The following ADD3 variants were observed in gnomAD, a reference collection of about 807,000 sequenced individuals.
The protein encoded by ADD3 is gamma-adducin.
Under a neutral mutation model 80.2 loss-of-function variants are expected in ADD3, and 25 were observed. The ratio of observed to expected loss-of-function variants is 0.31; its 90% CI spans 0.23 to 0.44. ADD3 has a LOEUF of 0.44. Among genes scored for constraint, ADD3 ranks in the 20% least tolerant of loss-of-function variants. The pLI, the probability that ADD3 is intolerant of heterozygous loss-of-function variation, is 1.00. For missense variants in ADD3, 829 were observed against 847.5 expected (o/e 0.98, Z 0.27); for synonymous variants, 284 against 289.6 (o/e 0.98, Z 0.20).
At chr10:110,070,092 C>T (rs1200792875) in intron 1 of ADD3, among the ~76,000 whole-genome samples, 1 of 151,910 alleles carries the variant, frequency 6.6e-6, no homozygotes, top group Non-Finnish European at 1.5e-5. Context: ...TCCTCTTCAC[C>T]CCATACATAT....
intron 1 of ADD3, among the ~76,000 whole-genome samples, chr10:110,092,615 G>T (rs559931668): frequency 1.3e-5 from 2 of 152,174 alleles, no homozygotes; most frequent in East Asian, 3.9e-4. Flanking sequence ...TGCCTATCAG[G>T]TCCTCTGCTC....
At chr10:110,000,809 T>C (rs2133676099), upstream of ADD3, among the ~76,000 whole-genome samples, 1 of 152,322 alleles carries the variant, frequency 6.6e-6, no homozygotes, top group African/African-American at 2.4e-5. Context: ...ACAATGAAGA[T>C]AATAATACAG....
At chr10:110,114,714 C>G (rs1314477154) in intron 3 of ADD3, among the ~76,000 whole-genome samples, 1 of 152,012 alleles carries the variant, frequency 6.6e-6, no homozygotes, top group Non-Finnish European at 1.5e-5. Context: ...TAAGAAAAAC[C>G]AGGAGAGAGA....
At chr10:110,013,320 C>A (rs1242542818) in intron 1 of ADD3, among the ~76,000 whole-genome samples, 2 of 152,170 alleles carry the variant, frequency 1.3e-5, no homozygotes, top group Admixed American at 6.5e-5. Flanking sequence ...CCAGGCTGGT[C>A]TTGAACTCCT....
chr10:110,026,201 G>A (rs907546116), intron 1 of ADD3, among the ~76,000 whole-genome samples: 2 of 151,562 alleles, frequency 1.3e-5, no homozygotes, highest in African/African-American at 4.9e-5. Flanking sequence ...ATGAGAAACA[G>A]TTCCACCCCT....
In ADD3 at chr10:110,134,310, G is replaced by T. The variant is rs1853430241; in HGVS notation, c.*692G>T. On this transcript the variant is annotated 3_prime_UTR_variant, in exon 15 of 15. Transcript: ENST00000356080. ...AGGGGATTTTGTACACATAACATGGGTTATTTAGTTTAACTCTGGCAAAAA... is the reference window on the plus strand; with the variant it reads ...AGGGGATTTTGTACACATAACATGGTTTATTTAGTTTAACTCTGGCAAAAA... 1 of 144,322 alleles carries T rather than the reference G, an allele frequency of 6.9e-6. No homozygotes were observed. The highest frequency in any genetic ancestry group is 1.5e-5 in the Non-Finnish European group (1 of 66,900). The allele number at this position is 144,322 out of a possible 1,614,324, so 8.9% of individuals were successfully genotyped here. A position where few individuals can be genotyped will look rare whatever the true frequency, so the allele number is the denominator to read the frequency against.
chr10:110,105,428 T>C (rs886131360), intron 2 of ADD3, among the ~76,000 whole-genome samples: 1 of 152,176 alleles, frequency 6.6e-6, no homozygotes, highest in African/African-American at 2.4e-5. Context: ...ATACAAGAGA[T>C]GGTTACTAAA....
At chr10:110,025,728 C>T (rs1001628734) in intron 1 of ADD3, among the ~76,000 whole-genome samples, 5 of 152,126 alleles carry the variant, frequency 3.3e-5, no homozygotes, top group African/African-American at 1.2e-4. Context: ...ACTGAGATTC[C>T]TGCCTCTGTC....
intron 1 of ADD3, among the ~76,000 whole-genome samples, chr10:110,083,606 C>A (rs111653647): frequency 2.5e-4 from 38 of 152,140 alleles, no homozygotes; most frequent in African/African-American, 7.7e-4. Context: ...TCCCTCTAAA[C>A]CTAATTAATA....
At chr10:110,013,787 G>A (rs904213040) in intron 1 of ADD3, among the ~76,000 whole-genome samples, 1 of 152,236 alleles carries the variant, frequency 6.6e-6, no homozygotes, top group African/African-American at 2.4e-5. Context: ...GAGTGCTGAT[G>A]TGAGTGACTC....
At position 110,124,026 on chromosome 10, in the gene ADD3, A is replaced by G. The variant is rs779276259; in HGVS notation, c.1153A>G (p.Thr385Ala). ...CTTTTCCCTCCCTTAGGGGTATAGA[A>G]CAGGCTATGCTTACAGGCATCCTCT... The part of the protein sequence containing the change: ...MRTLDNLGYR[T>A]GYAYRHPLIR... The change falls in exon 10 of 15, where the codon ACA becomes GCA. Residue 385 changes from threonine (T) to alanine (A), a missense_variant. By Grantham distance (58) the Thr-to-Ala change is moderately conservative (BLOSUM62 0). Transcript: ENST00000356080. The G allele has an allele frequency of 8.1e-6, 13 of 1,614,024 alleles. No individual in the cohort carries two copies. The highest frequency in any genetic ancestry group is 5.0e-5 in the Admixed American group (3 of 60,004).
At chr10:110,028,744 T>G (rs1854614452) in intron 1 of ADD3, among the ~76,000 whole-genome samples, 1 of 152,180 alleles carries the variant, frequency 6.6e-6, no homozygotes, top group African/African-American at 2.4e-5. Flanking sequence ...TAGAAAGAAA[T>G]GAGTTTTGCT....
chr10:110,061,343 G>C (rs148110803), intron 1 of ADD3, among the ~76,000 whole-genome samples: 1 of 152,106 alleles, frequency 6.6e-6, no homozygotes, highest in South Asian at 2.1e-4. Context: ...CCTGGAAAAG[G>C]GTTGTCAGTC....
chr10:110,073,133 G>GTTTTATTTTTTTTTTTTTTTT (rs1443878675), intron 1 of ADD3, among the ~76,000 whole-genome samples: 1 of 106,490 alleles, frequency 9.4e-6, no homozygotes, highest in African/African-American at 4.4e-5. Flanking sequence ...TTGAGTTTTA[G>GTTTTATTTTTTTTTTTTTTTT]TTTTCTTTTT....
At chr10:110,062,156 A>G (rs1025557863) in intron 1 of ADD3, among the ~76,000 whole-genome samples, 4 of 126,728 alleles carry the variant, frequency 3.2e-5, no homozygotes, top group African/African-American at 8.7e-5. Context: ...TGAGGTCGGG[A>G]GTTCAAGACC....
chr10:110,029,698 T>C (rs528264909), intron 1 of ADD3, among the ~76,000 whole-genome samples: 4 of 152,290 alleles, frequency 2.6e-5, no homozygotes, highest in African/African-American at 9.6e-5. Flanking sequence ...TAGCATCTGG[T>C]TGCACTTTAT....
intron 1 of ADD3, among the ~76,000 whole-genome samples, chr10:110,010,626 A>G (rs767783697): frequency 2.0e-5 from 3 of 152,190 alleles, no homozygotes; most frequent in African/African-American, 2.4e-5. Flanking sequence ...AATAGCCAAT[A>G]TTTATTTGCC....
chr10:110,014,636 C>T (rs540166796), intron 1 of ADD3, among the ~76,000 whole-genome samples: 2 of 152,094 alleles, frequency 1.3e-5, no homozygotes, highest in East Asian at 1.9e-4. Context: ...AAGGGATTCT[C>T]CTGCCTCAGC....
At chr10:110,063,776 T>A (rs1471766584) in intron 1 of ADD3, among the ~76,000 whole-genome samples, 11 of 97,728 alleles carry the variant, frequency 1.1e-4, no homozygotes, top group African/African-American at 4.4e-4. Context: ...TATATATATA[T>A]ATATATAAAG....
Sources: gnomAD v4.1 joint callset for allele counts (sites outside exome capture counted in the v4.1 genomes callset) on GRCh38, gnomAD v4.1.1 for gene constraint, MANE v1.5 for transcripts, NCBI Gene and HGNC (gene_info 2026-07-23, HGNC 2026-07-21) for gene names.